The following STAG1 variants were observed in gnomAD, a reference collection of about 807,000 sequenced individuals.
STAG1 encodes the protein cohesin subunit SA-1.
In STAG1, 26 loss-of-function variants were observed where a neutral mutation model predicts 170.9. The observed-to-expected ratio is 0.15, with a 90% CI of 0.11 to 0.21. The LOEUF (loss-of-function observed/expected upper bound fraction) is 0.21, where lower values mean the gene tolerates loss of function less well. Ranked by LOEUF, STAG1 falls within the 10% of genes least tolerant of loss-of-function variation. The pLI, the probability that STAG1 is intolerant of heterozygous loss-of-function variation, is 1.00. For synonymous variants in STAG1, 514 were observed against 497.7 expected, an observed-to-expected ratio of 1.03 and a Z score of -0.44; for missense variants, 964 against 1,509.5, an observed-to-expected ratio of 0.64 and a Z score of 5.99.
intron 2 of STAG1, among the ~76,000 whole-genome samples, chr3:136,624,353 G>A (rs1006083772): frequency 1.3e-5 from 2 of 152,062 alleles, no homozygotes; most frequent in African/African-American, 4.8e-5. Flanking sequence ...ACCTGCCTCG[G>A]CCTCCCAAAG....
chr3:136,628,919 G>A (rs1940216596), intron 2 of STAG1, among the ~76,000 whole-genome samples: 1 of 152,096 alleles, frequency 6.6e-6, no homozygotes, highest in Admixed American at 6.5e-5. Flanking sequence ...AAATAATAAG[G>A]ATAATCACTA....
chr3:136,592,424 G>T (rs1938230395), intron 4 of STAG1, among the ~76,000 whole-genome samples: 1 of 152,150 alleles, frequency 6.6e-6, no homozygotes, highest in Non-Finnish European at 1.5e-5. Context: ...CTTCCACCAT[G>T]ATTGTAAGTT....
intron 21 of STAG1, among the ~76,000 whole-genome samples, chr3:136,415,963 C>T (rs2087759238): frequency 6.6e-6 from 1 of 152,060 alleles, no homozygotes; most frequent in African/African-American, 2.4e-5. Flanking sequence ...ACTTCATACA[C>T]ATGGTTAAAA....
chr3:136,398,038 C>G (rs2087217987), intron 22 of STAG1, among the ~76,000 whole-genome samples: 3 of 152,056 alleles, frequency 2.0e-5, no homozygotes, highest in Admixed American at 2.0e-4. Context: ...CCTCTGCCTC[C>G]TGGGTTCAAG....
intron 5 of STAG1, among the ~76,000 whole-genome samples, chr3:136,563,451 A>G (rs898602160): frequency 6.6e-6 from 1 of 152,110 alleles, no homozygotes; most frequent in African/African-American, 2.4e-5. Context: ...TTCAAAAACT[A>G]TAAAACTATA....
intron 15 of STAG1, among the ~76,000 whole-genome samples, chr3:136,436,049 C>T (rs541336009): frequency 6.6e-6 from 1 of 152,222 alleles, no homozygotes; most frequent in South Asian, 2.1e-4. Flanking sequence ...CCTCCGCCTC[C>T]CAGGTTCAAA....
chr3:136,489,041 T>C (rs141292738), intron 9 of STAG1, among the ~76,000 whole-genome samples: 39 of 152,298 alleles, frequency 2.6e-4, no homozygotes, highest in Non-Finnish European at 4.7e-4. Flanking sequence ...GACAGACTAA[T>C]TTTTACAACA....
chr3:136,513,243 T>C (rs1934166610), intron 7 of STAG1, among the ~76,000 whole-genome samples: 1 of 151,860 alleles, frequency 6.6e-6, no homozygotes, highest in African/African-American at 2.4e-5. Flanking sequence ...TAATCTCAGC[T>C]ACTCAGGAGG....
rs796340809 is a variant in STAG1 at position 136,528,502 on chromosome 3, C to CA, written c.472-7086_472-7085insT. Among the ~76,000 whole-genome samples, 1,154 of 144,428 alleles carry CA rather than the reference C, an allele frequency of 8.0e-3. 46 individuals carry two copies. Among genetic ancestry groups the CA allele is most frequent in the African/African-American group, 0.029 (1,064 of 36,846 alleles). 94.8% of individuals were successfully genotyped at this position (144,428 alleles called of 152,430 possible). On this transcript the variant is annotated intron_variant, in intron 6 of 33. Transcript: ENST00000383202. Reference sequence around the variant, plus strand: ...GCAACAGATGTCCCCGCACCCCCCCCCCCAAAAAATCACTAAGTCCTGGAA... The same window carrying CA: ...GCAACAGATGTCCCCGCACCCCCCCCACCCAAAAAATCACTAAGTCCTGGAA...
chr3:136,713,769 T>C (rs1262498544), intron 1 of STAG1, among the ~76,000 whole-genome samples: 3 of 152,012 alleles, frequency 2.0e-5, no homozygotes, highest in Non-Finnish European at 2.9e-5. Context: ...AAGCCTTTAA[T>C]CCCAGCGCTT....
At chr3:136,494,821 C>T (rs1932992972) in intron 9 of STAG1, among the ~76,000 whole-genome samples, 2 of 152,120 alleles carry the variant, frequency 1.3e-5, no homozygotes, top group Admixed American at 1.3e-4. Context: ...TAACATCGTG[C>T]CTAATTTCAA....
intron 5 of STAG1, among the ~76,000 whole-genome samples, chr3:136,543,381 A>C (rs1431378365): frequency 6.6e-6 from 1 of 152,210 alleles, no homozygotes; most frequent in Non-Finnish European, 1.5e-5. Flanking sequence ...AAGAATAAGA[A>C]TCCTTAACAC....
rs909777567 is a variant in STAG1 at position 136,450,560 on chromosome 3, C to T, written c.1428+1473G>A. Among the ~76,000 whole-genome samples, 8 of 152,162 alleles carry T rather than the reference C, an allele frequency of 5.3e-5. 1 individual carries two copies. Among genetic ancestry groups the T allele is most frequent in the Non-Finnish European group, 2.9e-5 (2 of 68,040 alleles). ...CAATTTTAATTTTCATATAGGCTACCTGTTTGTGTCTCTCTTCCTTATTCC... is the reference window on the plus strand; with the variant it reads ...CAATTTTAATTTTCATATAGGCTACTTGTTTGTGTCTCTCTTCCTTATTCC... On this transcript the variant is annotated intron_variant, in intron 14 of 33. Coordinates refer to ENST00000383202, the MANE Select transcript of STAG1 (RefSeq NM_005862.3).
chr3:136,532,158 T>C (rs1227875063), intron 6 of STAG1, among the ~76,000 whole-genome samples: 2 of 152,024 alleles, frequency 1.3e-5, no homozygotes, highest in African/African-American at 4.8e-5. Context: ...AAATGAGACA[T>C]TACAACTGAT....
chr3:136,415,333 AC>A (rs775979523), intron 21 of STAG1, among the ~76,000 whole-genome samples: 2 of 132,860 alleles, frequency 1.5e-5, no homozygotes, highest in Non-Finnish European at 3.3e-5. Context: ...CAAAAGACAA[AC>A]AAAAAAGTCA....
Position 136,408,027 on chromosome 3 carries a change from T to C in STAG1, c.2197-9198A>G, listed in dbSNP as rs565097380. On this transcript the variant is annotated intron_variant, in intron 21 of 33. Coordinates refer to ENST00000383202, the MANE Select transcript of STAG1 (RefSeq NM_005862.3). Reference sequence around the variant, plus strand: ...ACTGTTCATAGTTTCTTATGAAACATCCAAAAATATATTTCAACTAAATGT... The same window carrying C: ...ACTGTTCATAGTTTCTTATGAAACACCCAAAAATATATTTCAACTAAATGT... Among the ~76,000 whole-genome samples the C allele has an allele frequency of 7.2e-5, 11 of 152,236 alleles. No homozygotes were observed. The South Asian group carries it at 2.1e-3, about 29-fold the overall frequency.
Position 136,343,930 on chromosome 3 carries a change from T to C in STAG1, c.3348A>G (p.Gln1116=), listed in dbSNP as rs1423466065. Residue 1116 remains glutamine (Q), a synonymous_variant, in exon 30 of 34, where the codon CAA becomes CAG. Coordinates refer to ENST00000383202, the MANE Select transcript of STAG1 (RefSeq NM_005862.3). ...IQTPGPLPAP[Q]LTSTVLRENS... ...TCTCCCGCAGTACAGTGGATGTGAG[T>C]TGTGGTGCTGGCAGGGGGCCAGGAG... 3.1e-6 allele frequency: 5 copies of C among 1,611,924 alleles called. No individual in the cohort carries two copies. Among genetic ancestry groups the C allele is most frequent in the East Asian group, 2.2e-5 (1 of 44,614 alleles).
Position 136,732,402 on chromosome 3 carries a change from G to A in STAG1, c.-84+19793C>T, listed in dbSNP as rs1017369230. 1.4e-4 allele frequency among the ~76,000 whole-genome samples: 22 copies of A among 152,160 alleles called. No homozygotes were observed. The South Asian group carries it at 3.9e-3, about 27-fold the overall frequency. On this transcript the variant is annotated intron_variant, in intron 1 of 33. Transcript: ENST00000383202. ...CTGTGTGCAGAATAATAAAGAAAAA[G>A]CTAAGATTCATAAATAATCCTGATA...
chr3:136,677,941 ATTATATT>A (rs1942181795), intron 1 of STAG1, among the ~76,000 whole-genome samples: 1 of 147,350 alleles, frequency 6.8e-6, no homozygotes, highest in African/African-American at 2.5e-5. Flanking sequence ...TATATTATAT[ATTATATT>A]TTATATATGT....
Sources: gnomAD v4.1 joint callset for allele counts (sites outside exome capture counted in the v4.1 genomes callset) on GRCh38, gnomAD v4.1.1 for gene constraint, MANE v1.5 for transcripts, NCBI Gene and HGNC (gene_info 2026-07-23, HGNC 2026-07-21) for gene names.